PRICKLE2: variants seen among roughly 807,000 people sequenced by gnomAD.
PRICKLE2 encodes prickle-like protein 2.
Under a neutral mutation model 81.4 loss-of-function variants are expected in PRICKLE2, and 21 were observed. The ratio of observed to expected loss-of-function variants is 0.26; its 90% CI spans 0.18 to 0.37. The LOEUF (loss-of-function observed/expected upper bound fraction) is 0.37. Among genes scored for constraint, PRICKLE2 ranks in the 10% least tolerant of loss-of-function variants. The probability of loss-of-function intolerance (pLI) is 1.00; values close to 1 mark genes in which losing one functional copy is unlikely to be tolerated. For synonymous variants in PRICKLE2, 456 were observed against 421.5 expected (o/e 1.08, Z -1.00); for missense variants, 940 against 1,109.0 (o/e 0.85, Z 2.16).
intron 5 of PRICKLE2, chr3:64,154,597 C>T (rs1232852115): frequency 1.3e-5 from 2 of 151,842 alleles, no homozygotes; most frequent in Non-Finnish European, 2.9e-5. Context: ...GGCAAAAAAA[C>T]AATAAAACGC....
intron 7 of PRICKLE2, among the ~76,000 whole-genome samples, chr3:64,114,694 AAAC>A (rs986237021): frequency 1.3e-5 from 2 of 152,100 alleles, no homozygotes; most frequent in African/African-American, 4.8e-5. Context: ...GAAAAGGAAT[AAAC>A]AAAACCTTTG....
At chr3:64,118,003 A>T (rs1483207856) in intron 7 of PRICKLE2, among the ~76,000 whole-genome samples, 1 of 152,200 alleles carries the variant, frequency 6.6e-6, no homozygotes, top group Non-Finnish European at 1.5e-5. Context: ...AGAAAAACAG[A>T]CACATAGACC....
intron 2 of PRICKLE2, among the ~76,000 whole-genome samples, chr3:64,194,533 C>A (rs2078412432): frequency 6.6e-6 from 1 of 152,170 alleles, no homozygotes; most frequent in Non-Finnish European, 1.5e-5. Flanking sequence ...TGCTAAGCAT[C>A]CTACACAATG....
intron 7 of PRICKLE2, among the ~76,000 whole-genome samples, chr3:64,107,841 C>T (rs552815526): frequency 2.0e-5 from 3 of 152,346 alleles, no homozygotes; most frequent in African/African-American, 7.2e-5. Context: ...TCATATTTCA[C>T]ATTTCTGTGC....
chr3:64,163,830 T>C (rs944744628), intron 2 of PRICKLE2: 2 of 152,202 alleles, frequency 1.3e-5, no homozygotes, highest in African/African-American at 4.8e-5. Flanking sequence ...GCAGCTAATT[T>C]TGCCTGAGAA....
At chr3:64,182,879 G>A (rs564779799) in intron 2 of PRICKLE2, among the ~76,000 whole-genome samples, 1 of 151,546 alleles carries the variant, frequency 6.6e-6, no homozygotes, top group Non-Finnish European at 1.5e-5. Context: ...AACTGGGAAG[G>A]CTTCATTAAA....
chr3:64,148,472 T>C (rs986152069), intron 6 of PRICKLE2, among the ~76,000 whole-genome samples: 2 of 152,238 alleles, frequency 1.3e-5, no homozygotes, highest in Admixed American at 1.3e-4. Context: ...GAACATGGCC[T>C]GGTGTATGAC....
chr3:64,236,502 A>G (rs1312238075), intron 2 of PRICKLE2, among the ~76,000 whole-genome samples: 1 of 152,078 alleles, frequency 6.6e-6, no homozygotes, highest in East Asian at 1.9e-4. Context: ...GTGACTGATG[A>G]AAAAAAAGAG....
chr3:64,192,407 T>C (rs1409740499), intron 2 of PRICKLE2, among the ~76,000 whole-genome samples: 1 of 152,220 alleles, frequency 6.6e-6, no homozygotes, highest in African/African-American at 2.4e-5. Flanking sequence ...TTACAAGTTT[T>C]ATAAGTGTTA....
intron 7 of PRICKLE2, among the ~76,000 whole-genome samples, chr3:64,121,345 G>A (rs1225841073): frequency 6.6e-6 from 1 of 152,026 alleles, no homozygotes; most frequent in East Asian, 1.9e-4. Flanking sequence ...AAAGAAGATA[G>A]AAAATGCATT....
intron 1 of PRICKLE2, among the ~76,000 whole-genome samples, chr3:64,206,459 C>T (rs909086318): frequency 6.6e-6 from 1 of 152,234 alleles, no homozygotes; most frequent in African/African-American, 2.4e-5. Flanking sequence ...CCTCTTGCAT[C>T]ACTAGGCCCT....
chr3:64,122,704 C>T (rs754575391), intron 7 of PRICKLE2, among the ~76,000 whole-genome samples: 11 of 152,138 alleles, frequency 7.2e-5, no homozygotes, highest in African/African-American at 2.2e-4. Context: ...CACTGTCAGA[C>T]GCAGGCTTTC....
chr3:64,187,877 T>C (rs979006689), intron 2 of PRICKLE2, among the ~76,000 whole-genome samples: 1 of 152,364 alleles, frequency 6.6e-6, no homozygotes, highest in East Asian at 1.9e-4. Context: ...CACAGCTGTA[T>C]AATTCACGGT....
chr3:64,124,966 G>T (rs567913503), intron 7 of PRICKLE2, among the ~76,000 whole-genome samples: 1 of 152,230 alleles, frequency 6.6e-6, no homozygotes, highest in Admixed American at 6.5e-5. Context: ...TCCTCTGATG[G>T]ATCTGGGCAA....
chr3:64,113,719 C>A (rs893388818), intron 7 of PRICKLE2, among the ~76,000 whole-genome samples: 2 of 152,134 alleles, frequency 1.3e-5, no homozygotes, highest in Non-Finnish European at 2.9e-5. Context: ...CCTGCCCCTG[C>A]CAGCACCCTG....
chr3:64,201,854 G>T (rs776999107), intron 1 of PRICKLE2, among the ~76,000 whole-genome samples: 17 of 152,076 alleles, frequency 1.1e-4, no homozygotes, highest in Non-Finnish European at 2.5e-4. Flanking sequence ...TTTAATTTAA[G>T]AGATTTATGG....
intron 2 of PRICKLE2, chr3:64,174,310 T>A (rs540465600): frequency 1.5e-4 from 23 of 152,346 alleles, no homozygotes; most frequent in African/African-American, 5.3e-4. Flanking sequence ...TCATTGTCCT[T>A]ATCTCTAGGA....
chr3:64,189,935 G>A (rs11720617), intron 2 of PRICKLE2, among the ~76,000 whole-genome samples: 1,686 of 152,212 alleles, frequency 0.011, 15 homozygotes, highest in Non-Finnish European at 0.016. Flanking sequence ...TTTTCCAGGG[G>A]CAAGCAAGGT....
intron 2 of PRICKLE2, among the ~76,000 whole-genome samples, chr3:64,257,903 T>A (rs2079551847): frequency 6.6e-6 from 1 of 152,060 alleles, no homozygotes; most frequent in Admixed American, 6.6e-5. Flanking sequence ...ATGAATAGGA[T>A]TAGTGCTCTT....
Sources: gnomAD v4.1 joint callset for allele counts (sites outside exome capture counted in the v4.1 genomes callset) on GRCh38, gnomAD v4.1.1 for gene constraint, MANE v1.5 for transcripts, NCBI Gene and HGNC (gene_info 2026-07-23, HGNC 2026-07-21) for gene names.